NRG1: variants seen among roughly 807,000 people sequenced by gnomAD.
NRG1 encodes pro-neuregulin-1, membrane-bound isoform.
A neutral mutation model predicts 63.8 loss-of-function variants in NRG1; 18 were observed. That is an observed-to-expected ratio of 0.28 (90% CI 0.19 to 0.42). NRG1 has a LOEUF of 0.42. Ranked by LOEUF, NRG1 falls within the 10% of genes least tolerant of loss-of-function variation. The pLI, the probability that NRG1 is intolerant of heterozygous loss-of-function variation, is 1.00. For synonymous variants in NRG1, 302 were observed against 301.3 expected, an observed-to-expected ratio of 1.00 and a Z score of -0.02; for missense variants, 762 against 814.7, an observed-to-expected ratio of 0.94 and a Z score of 0.79.
At chr8:32,374,036 G>A (rs1461613750) in intron 1 of NRG1, among the ~76,000 whole-genome samples, 1 of 151,176 alleles carries the variant, frequency 6.6e-6, no homozygotes. Context: ...TATAATATGT[G>A]TACAATTTTT....
chr8:32,548,719 C>T (rs1482545822), exon 1 of NRG1: 14 of 1,574,014 alleles, frequency 8.9e-6, no homozygotes, highest in Non-Finnish European at 1.2e-5. Flanking sequence ...CGCTCCGTCT[C>T]CGGCGAGATG....
chr8:32,495,452 G>A (rs977691772), intron 1 of NRG1, among the ~76,000 whole-genome samples: 1 of 152,062 alleles, frequency 6.6e-6, no homozygotes, highest in Admixed American at 6.5e-5. Context: ...CTCAGTCTTG[G>A]GTATGTCTTT....
chr8:32,747,792 A>C (rs1827759680), intron 7 of NRG1, among the ~76,000 whole-genome samples: 1 of 149,246 alleles, frequency 6.7e-6, no homozygotes, highest in African/African-American at 2.5e-5. Context: ...ATTTCCTTAA[A>C]GGGCAGCAAG....
downstream of NRG1, among the ~76,000 whole-genome samples, chr8:32,772,761 A>G (rs1338043599): frequency 6.6e-6 from 1 of 152,132 alleles, no homozygotes; most frequent in Non-Finnish European, 1.5e-5. Flanking sequence ...GGCTCCTCAG[A>G]TAACACAGAC....
chr8:32,581,532 C>A (rs960977733), intron 1 of NRG1, among the ~76,000 whole-genome samples: 2 of 152,110 alleles, frequency 1.3e-5, no homozygotes, highest in Admixed American at 1.3e-4. Context: ...ATAAAAGATG[C>A]ATTAAAAGAA....
intron 1 of NRG1, among the ~76,000 whole-genome samples, chr8:31,952,769 TGTCATG>T (rs1803682559): frequency 6.6e-6 from 1 of 152,168 alleles, no homozygotes; most frequent in Non-Finnish European, 1.5e-5. Flanking sequence ...GACCGCAAAA[TGTCATG>T]GTAGCTTTCC....
chr8:31,711,119 T>G (rs1811699390), intron 1 of NRG1, among the ~76,000 whole-genome samples: 1 of 152,168 alleles, frequency 6.6e-6, no homozygotes, highest in Admixed American at 6.5e-5. Flanking sequence ...TTCAACTTCC[T>G]AATTTCTTTT....
At chr8:32,496,658 T>A (rs1208044756) in intron 1 of NRG1, among the ~76,000 whole-genome samples, 1 of 152,190 alleles carries the variant, frequency 6.6e-6, no homozygotes, top group East Asian at 1.9e-4. Flanking sequence ...CCAGGGTGCA[T>A]GGGATTATGT....
At position 32,046,040 on chromosome 8, in the gene NRG1, A is replaced by G. The variant is rs564863770; in HGVS notation, c.37+406609A>G. Among the ~76,000 whole-genome samples, 23 of 152,204 alleles carry G rather than the reference A, an allele frequency of 1.5e-4. No homozygotes were observed. The South Asian group carries it at 4.8e-3, about 31-fold the overall frequency. ...CAGAAATAAAATCTTTTCAAATTTC[A>G]TATTCTTCAAGGGGTTTGCATTCAA... On this transcript the variant is annotated intron_variant, in intron 1 of 10. Transcript: ENST00000519301.
At chr8:32,048,384 AATAT>A (rs1455858806) in intron 1 of NRG1, among the ~76,000 whole-genome samples, 1 of 147,342 alleles carries the variant, frequency 6.8e-6, no homozygotes, top group South Asian at 2.1e-4. Flanking sequence ...TATATGTATG[AATAT>A]ATATACATGT....
At chr8:32,694,831 C>T (rs1269384703) in intron 5 of NRG1, among the ~76,000 whole-genome samples, 1 of 152,088 alleles carries the variant, frequency 6.6e-6, no homozygotes, top group Non-Finnish European at 1.5e-5. Context: ...TAGTAGAGCC[C>T]AGAGAGAGTA....
intron 1 of NRG1, among the ~76,000 whole-genome samples, chr8:32,369,421 A>AGTGTTTCC (rs1808512223): frequency 6.6e-6 from 1 of 152,230 alleles, no homozygotes; most frequent in Non-Finnish European, 1.5e-5. Flanking sequence ...TATAAAGGAC[A>AGTGTTTCC]ATTCTACTCT....
chr8:31,858,244 A>G (rs1828120229), intron 1 of NRG1, among the ~76,000 whole-genome samples: 1 of 151,858 alleles, frequency 6.6e-6, no homozygotes. Flanking sequence ...GCTTGCAATG[A>G]GCTGAGATGG....
chr8:32,623,073 C>A (rs1325915326), intron 5 of NRG1, among the ~76,000 whole-genome samples: 1 of 152,310 alleles, frequency 6.6e-6, no homozygotes, highest in South Asian at 2.1e-4. Flanking sequence ...TCTATGAAAT[C>A]TCTGAATGAA....
intron 1 of NRG1, among the ~76,000 whole-genome samples, chr8:32,392,021 T>C (rs1304054145): frequency 6.6e-6 from 1 of 152,186 alleles, no homozygotes; most frequent in Non-Finnish European, 1.5e-5. Context: ...AAAAGAGCAG[T>C]TGGGCACTTA....
Position 32,020,695 on chromosome 8 carries a change from A to T in NRG1, c.37+381264A>T, listed in dbSNP as rs149838865. Among the ~76,000 whole-genome samples, 272 of 152,340 alleles carry T rather than the reference A, an allele frequency of 1.8e-3. 1 individual carries two copies. Among genetic ancestry groups the T allele is most frequent in the African/African-American group, 6.3e-3 (260 of 41,588 alleles). ...CCTCTACATGATTCTTCCTTGCTGA[A>T]AAGGATAATTTATAACAAATATTTC... On this transcript the variant is annotated intron_variant, in intron 1 of 10. Coordinates refer to the NRG1 transcript ENST00000519301.
chr8:31,772,583 C>T (rs1818732679), intron 1 of NRG1, among the ~76,000 whole-genome samples: 1 of 152,006 alleles, frequency 6.6e-6, no homozygotes, highest in Non-Finnish European at 1.5e-5. Flanking sequence ...AGGTAGGTGT[C>T]AGGATGGAAA....
chr8:32,690,931 C>G (rs1406833038), intron 5 of NRG1, among the ~76,000 whole-genome samples: 3 of 142,758 alleles, frequency 2.1e-5, no homozygotes, highest in Non-Finnish European at 4.5e-5. Context: ...TTTATTGTTT[C>G]CCTCTCAGTG....
At chr8:32,204,950 C>T (rs940304758) in intron 1 of NRG1, among the ~76,000 whole-genome samples, 6 of 152,114 alleles carry the variant, frequency 3.9e-5, no homozygotes, top group Admixed American at 3.9e-4. Flanking sequence ...AGGGAAAATA[C>T]ACGAAAACAA....
Sources: allele counts gnomAD v4.1 joint callset (sites outside exome capture counted in the v4.1 genomes callset), GRCh38; gene constraint gnomAD v4.1.1; transcripts MANE v1.5; gene names NCBI Gene and HGNC (gene_info 2026-07-23, HGNC 2026-07-21).